The following PDGFRL variants were observed in gnomAD, a reference collection of about 807,000 sequenced individuals.
PDGFRL encodes the protein platelet-derived growth factor receptor-like protein.
A neutral mutation model predicts 37.2 loss-of-function variants in PDGFRL; 46 were observed. That is an observed-to-expected ratio of 1.24 (90% confidence interval 0.98 to 1.58). The LOEUF is 1.58. PDGFRL is among the 40% of genes most tolerant of loss of function. The pLI, the probability that PDGFRL is intolerant of heterozygous loss-of-function variation, is 0.00. For synonymous variants in PDGFRL, 251 were observed against 184.3 expected, an observed-to-expected ratio of 1.36 and a Z score of -2.93; for missense variants, 692 against 467.6, an observed-to-expected ratio of 1.48 and a Z score of -4.43.
At chr8:17,614,040 T>G (rs998160467) in intron 2 of PDGFRL, among the ~76,000 whole-genome samples, 5 of 152,122 alleles carry the variant, frequency 3.3e-5, no homozygotes, top group Non-Finnish European at 7.4e-5. Context: ...AATGTGGAGA[T>G]AGATGATAGA....
intron 2 of PDGFRL, among the ~76,000 whole-genome samples, chr8:17,599,957 A>T (rs1199216233): frequency 6.6e-6 from 1 of 152,108 alleles, no homozygotes; most frequent in East Asian, 1.9e-4. Context: ...TGGATCATCA[A>T]CATCTCCTTG....
At chr8:17,630,993 C>T (rs35338485) in intron 4 of PDGFRL, among the ~76,000 whole-genome samples, 93,467 of 151,956 alleles carry the variant, frequency 0.62, 33,083 homozygotes, top group Non-Finnish European at 0.8. Flanking sequence ...CTCCAGAGCA[C>T]GTGGCCACCA....
chr8:17,587,530 G>A (rs572980020), intron 1 of PDGFRL, among the ~76,000 whole-genome samples: 3 of 152,164 alleles, frequency 2.0e-5, no homozygotes, highest in East Asian at 1.9e-4. Context: ...TGATAATGGT[G>A]GGCTTTTCTT....
chr8:17,598,420 G>C (rs1238677310), intron 2 of PDGFRL, among the ~76,000 whole-genome samples: 1 of 152,188 alleles, frequency 6.6e-6, no homozygotes, highest in African/African-American at 2.4e-5. Flanking sequence ...TTTATCATCA[G>C]ATTCCTAGCA....
chr8:17,642,254 G>T (rs1279029497), intron 5 of PDGFRL, among the ~76,000 whole-genome samples: 1 of 152,184 alleles, frequency 6.6e-6, no homozygotes, highest in African/African-American at 2.4e-5. Flanking sequence ...AAAAGAAAGT[G>T]GGCAATGTGA....
intron 2 of PDGFRL, among the ~76,000 whole-genome samples, chr8:17,610,723 C>A (rs1277249245): frequency 6.6e-6 from 1 of 152,108 alleles, no homozygotes; most frequent in Non-Finnish European, 1.5e-5. Flanking sequence ...GCAGCCTGGC[C>A]AGTATGGTGA....
chr8:17,616,652 T>G (rs1054958346), intron 2 of PDGFRL, among the ~76,000 whole-genome samples: 7 of 152,138 alleles, frequency 4.6e-5, no homozygotes, highest in African/African-American at 1.7e-4. Flanking sequence ...ACATCCTTCC[T>G]TTGTACCAAG....
chr8:17,598,000 G>C (rs58893313), intron 2 of PDGFRL, among the ~76,000 whole-genome samples: 10,783 of 50,160 alleles, frequency 0.21, 961 homozygotes, highest in South Asian at 0.42. Context: ...TTCCCAGCTT[G>C]TGGCTTTTTG....
chr8:17,624,919 C>T (rs1274037348), intron 3 of PDGFRL, among the ~76,000 whole-genome samples: 1 of 152,062 alleles, frequency 6.6e-6, no homozygotes, highest in South Asian at 2.1e-4. Flanking sequence ...TCTCAAAATA[C>T]TGAATTTGTT....
intron 2 of PDGFRL, among the ~76,000 whole-genome samples, chr8:17,614,574 T>C (rs1563520238): frequency 6.6e-6 from 1 of 152,258 alleles, no homozygotes; most frequent in East Asian, 1.9e-4. Flanking sequence ...GATATTTATG[T>C]TTTAATTTTG....
chr8:17,638,765 ATATATATATAT>A (rs1563532471), intron 5 of PDGFRL, among the ~76,000 whole-genome samples: 3 of 117,948 alleles, frequency 2.5e-5, no homozygotes, highest in South Asian at 2.8e-4. Context: ...ATATATATAT[ATATATATATAT>A]ATATATATAT....
At chr8:17,601,130 C>T (rs1804157774) in intron 2 of PDGFRL, among the ~76,000 whole-genome samples, 1 of 152,246 alleles carries the variant, frequency 6.6e-6, no homozygotes, top group Admixed American at 6.5e-5. Context: ...TCGTTATTCA[C>T]TCCCGCATCC....
chr8:17,595,198 G>A (rs1167059910), intron 2 of PDGFRL, among the ~76,000 whole-genome samples: 1 of 152,124 alleles, frequency 6.6e-6, no homozygotes, highest in Non-Finnish European at 1.5e-5. Flanking sequence ...CACCTCCAGG[G>A]ACTCCGCCCT....
intron 1 of PDGFRL, among the ~76,000 whole-genome samples, chr8:17,584,757 G>A (rs1045966626): frequency 2.0e-5 from 3 of 149,430 alleles, no homozygotes; most frequent in Non-Finnish European, 4.4e-5. Context: ...CAGTGGTAGT[G>A]TTACCGGAAA....
At chr8:17,577,406 C>A in intron 1 of PDGFRL, 99 bp downstream of exon 1, 1 of 1,051,720 alleles carries the variant, frequency 9.5e-7, no homozygotes, top group Non-Finnish European at 1.4e-6. Flanking sequence ...GTCTAACGTT[C>A]GGCCCTCGGT....
At chr8:17,593,437 G>GAAA (rs35908143) in intron 2 of PDGFRL, among the ~76,000 whole-genome samples, 1 of 147,840 alleles carries the variant, frequency 6.8e-6, no homozygotes, top group African/African-American at 2.5e-5. Context: ...TAAAAATACG[G>GAAA]AAAAAAAAAA....
At chr8:17,637,631 T>C (rs1194461865) in intron 5 of PDGFRL, among the ~76,000 whole-genome samples, 3 of 152,200 alleles carry the variant, frequency 2.0e-5, no homozygotes, top group Non-Finnish European at 4.4e-5. Context: ...TGTGAAATAA[T>C]GTTGATAGGA....
rs61405731 is a variant in PDGFRL at position 17,612,016 on chromosome 8, G to A, written c.354-9035G>A. Among the ~76,000 whole-genome samples the A allele has an allele frequency of 2.2e-3, 333 of 152,214 alleles. 2 individuals are homozygous for A. The highest frequency in any genetic ancestry group is 7.6e-3 in the African/African-American group (317 of 41,540). On this transcript the variant is annotated intron_variant, in intron 2 of 5. Transcript: ENST00000251630. The stretch of plus-strand genomic sequence containing the variant: ...ACTCCAGGGGAGGTGGCACAGCCTC[G>A]GCAGGTCCACACAGGCAGGGGAGCA...
intron 3 of PDGFRL, among the ~76,000 whole-genome samples, chr8:17,627,816 T>G (rs1263692667): frequency 2.0e-5 from 3 of 151,780 alleles, no homozygotes; most frequent in Admixed American, 6.6e-5. Context: ...TGTGGTCACT[T>G]ACTTCAAACT....
Sources: allele counts gnomAD v4.1 joint callset (sites outside exome capture counted in the v4.1 genomes callset), GRCh38; gene constraint gnomAD v4.1.1; transcripts MANE v1.5; gene names NCBI Gene and HGNC (gene_info 2026-07-23, HGNC 2026-07-21).